GFM1: variants seen among roughly 807,000 people sequenced by gnomAD.
GFM1 encodes the protein elongation factor G, mitochondrial.
Under a neutral mutation model 96.2 loss-of-function variants are expected in GFM1, and 62 were observed. That is an observed-to-expected ratio of 0.64 (90% CI 0.53 to 0.80). GFM1 has a LOEUF of 0.80. Ranked by LOEUF, GFM1 falls within the 30% of genes least tolerant of loss-of-function variation. The probability of loss-of-function intolerance (pLI) is 0.00; values close to 1 mark genes in which losing one functional copy is unlikely to be tolerated. For missense variants in GFM1, 852 were observed against 916.6 expected (o/e 0.93, Z 0.91); for synonymous variants, 282 against 312.9 (o/e 0.90, Z 1.04).
intron 13 of GFM1, among the ~76,000 whole-genome samples, chr3:158,678,445 A>G (rs1445258938): frequency 1.3e-5 from 2 of 152,230 alleles, no homozygotes; most frequent in Non-Finnish European, 2.9e-5. Flanking sequence ...TAACATTACC[A>G]GGAGTTTGGA....
chr3:158,662,613 T>A lies in GFM1; in HGVS notation c.1324-15T>A, dbSNP rs375168014. The A allele has an allele frequency of 1.1e-4, 173 of 1,536,158 alleles. No homozygotes were observed. The African/African-American group carries it at 2.2e-3, about 19-fold the overall frequency. On this transcript the variant is annotated splice_polypyrimidine_tract_variant and intron_variant, in intron 10 of 17. Transcript: ENST00000486715. ...GTTTTTTAATTCTTCTGTTTTCTTTTAAAAAATATTTTAGGAGTCAATTCA... is the reference window on the plus strand; with the variant it reads ...GTTTTTTAATTCTTCTGTTTTCTTTAAAAAAATATTTTAGGAGTCAATTCA...
At chr3:158,688,196 A>C (rs914054699) in intron 15 of GFM1, among the ~76,000 whole-genome samples, 1 of 152,230 alleles carries the variant, frequency 6.6e-6, no homozygotes, top group Non-Finnish European at 1.5e-5. Flanking sequence ...AGGTAACCTA[A>C]AACTGAAATG....
At chr3:158,672,150 G>A (rs1724383638) in intron 13 of GFM1, among the ~76,000 whole-genome samples, 1 of 152,080 alleles carries the variant, frequency 6.6e-6, no homozygotes, top group Non-Finnish European at 1.5e-5. Flanking sequence ...AAACAGTCCC[G>A]GGCTGTCTCC....
intron 14 of GFM1, among the ~76,000 whole-genome samples, chr3:158,683,841 C>T (rs1424098814): frequency 4.6e-5 from 7 of 152,170 alleles, no homozygotes; most frequent in African/African-American, 9.7e-5. Flanking sequence ...AACCAGCTTA[C>T]GCCCTTAACT....
chr3:158,646,009 T>G (rs1361394009), intron 2 of GFM1, 156 bp from the exon 3 acceptor site: 8 of 1,008,386 alleles, frequency 7.9e-6, no homozygotes, highest in Non-Finnish European at 4.6e-6. Flanking sequence ...TCTCAAACTC[T>G]TGGGCTCAAA....
At chr3:158,646,394 C>T in intron 3 of GFM1, 97 bp downstream of exon 3, 2 of 1,261,702 alleles carry the variant, frequency 1.6e-6, no homozygotes, top group Admixed American at 1.7e-5. Flanking sequence ...TTGTCAAATA[C>T]TCAAAAGTGT....
chr3:158,661,888 GTTGAT>G (rs1299836064), intron 10 of GFM1, among the ~76,000 whole-genome samples: 2 of 152,068 alleles, frequency 1.3e-5, no homozygotes, highest in Admixed American at 6.5e-5. Context: ...ATTATTACCT[GTTGAT>G]TTAAGACACT....
intron 13 of GFM1, chr3:158,670,998 T>G (rs761576885): frequency 6.5e-7 from 1 of 1,537,740 alleles, no homozygotes; most frequent in South Asian, 1.2e-5. Context: ...AGGTGATACT[T>G]ATGTCCTCTT....
In GFM1 at chr3:158,646,396, CAA is replaced by C. The variant is rs1363392146; in HGVS notation, c.367+102_367+103del. On this transcript the variant is annotated intron_variant, in intron 3 of 17. Transcript: ENST00000486715. ...AATTAGTTTTTGATTGTCAAATACTCAAAAGTGTAACACTGAATTCCTATTAA... is the reference window on the plus strand; with the variant it reads ...AATTAGTTTTTGATTGTCAAATACTCAAGTGTAACACTGAATTCCTATTAA... 4.0e-6 allele frequency: 5 copies of C among 1,237,574 alleles called. No individual in the cohort carries two copies. The East Asian group carries it at 9.3e-5, about 23-fold the overall frequency. 76.7% of individuals were successfully genotyped at this position (1,237,574 alleles called of 1,614,324 possible).
chr3:158,683,383 A>T (rs1184238842), intron 14 of GFM1, among the ~76,000 whole-genome samples: 2 of 152,250 alleles, frequency 1.3e-5, no homozygotes, highest in Non-Finnish European at 2.9e-5. Context: ...GAGCTCCACA[A>T]GTATTTGTTA....
intron 15 of GFM1, chr3:158,684,955 A>C (rs1380886620): frequency 6.8e-6 from 2 of 294,038 alleles, no homozygotes; most frequent in African/African-American, 4.3e-5. Context: ...GGAAGACTGA[A>C]ATGTTCAGAA....
intron 8 of GFM1, among the ~76,000 whole-genome samples, chr3:158,655,612 G>A (rs1722686690): frequency 6.6e-6 from 1 of 152,126 alleles, no homozygotes; most frequent in African/African-American, 2.4e-5. Flanking sequence ...ATGAAAAGAT[G>A]TTTATGATTT....
chr3:158,690,102 C>A, intron 15 of GFM1, 61 bp from the exon 16 acceptor site: 1 of 1,410,226 alleles, frequency 7.1e-7, no homozygotes. Flanking sequence ...TTTTTTATAT[C>A]TGGACAGAAG....
chr3:158,660,699 TCTTAGC>T, intron 9 of GFM1, 169 bp from the exon 10 acceptor site: 1 of 629,312 alleles, frequency 1.6e-6, no homozygotes, highest in East Asian at 2.8e-5. Context: ...TAAAAATACG[TCTTAGC>T]ATGGTTGATT....
intron 8 of GFM1, chr3:158,655,691 C>T: frequency 7.8e-6 from 2 of 256,222 alleles, no homozygotes; most frequent in African/African-American, 2.2e-5. Flanking sequence ...CAGAGAATTC[C>T]TGTATATCCT....
intron 9 of GFM1, 102 bp from the exon 10 acceptor site, chr3:158,660,772 C>CT (rs1560133724): frequency 1.0e-6 from 1 of 969,330 alleles, no homozygotes; most frequent in East Asian, 2.4e-5. Context: ...TTCTGCCACG[C>CT]TTTTTTATAT....
intron 2 of GFM1, 62 bp from the exon 3 acceptor site, chr3:158,646,103 G>A: frequency 6.2e-7 from 1 of 1,604,156 alleles, no homozygotes; most frequent in African/African-American, 1.3e-5. Flanking sequence ...TTTCAGTTAA[G>A]ATTTCTTTCC....
intron 13 of GFM1, among the ~76,000 whole-genome samples, chr3:158,677,096 A>G (rs1434626758): frequency 3.9e-5 from 6 of 152,148 alleles, no homozygotes; most frequent in Non-Finnish European, 8.8e-5. Context: ...TTATTATTAT[A>G]TCTGTTATGG....
chr3:158,672,421 A>G, intron 13 of GFM1: 2 of 1,614,038 alleles, frequency 1.2e-6, no homozygotes, highest in South Asian at 1.1e-5. Flanking sequence ...TAGTTGATGT[A>G]GTTCTGTGCC....
Sources: gnomAD v4.1 joint callset for allele counts (sites outside exome capture counted in the v4.1 genomes callset) on GRCh38, gnomAD v4.1.1 for gene constraint, MANE v1.5 for transcripts, NCBI Gene and HGNC (gene_info 2026-07-23, HGNC 2026-07-21) for gene names.